PREX1: variants seen among roughly 807,000 people sequenced by gnomAD.
PREX1 encodes phosphatidylinositol-3,4,5-trisphosphate dependent Rac exchange factor 1, also known as phosphatidylinositol 3,4,5-trisphosphate-dependent Rac exchanger 1 protein.
In PREX1, 41 loss-of-function variants were observed where a neutral mutation model predicts 198.3. That is an observed-to-expected ratio of 0.21 (90% CI 0.16 to 0.27). PREX1 has a LOEUF of 0.27. Among genes scored for constraint, PREX1 ranks in the 10% least tolerant of loss-of-function variants. PREX1 has a pLI of 1.00. For missense variants in PREX1, 1,620 were observed against 2,200.7 expected (o/e 0.74, Z 5.28); for synonymous variants, 843 against 887.2 (o/e 0.95, Z 0.89).
chr20:48,790,177 C>T (rs2090331753), intron 1 of PREX1, among the ~76,000 whole-genome samples: 1 of 152,164 alleles, frequency 6.6e-6, no homozygotes, highest in Non-Finnish European at 1.5e-5. Context: ...GGAACACTTC[C>T]ATCAAGGCAG....
rs889293851 is a variant in PREX1, at chr20:48,827,426, G to A, written c.219+216C>T. On this transcript the variant is annotated intron_variant, in intron 1 of 39. Coordinates refer to ENST00000371941, the MANE Select transcript of PREX1 (RefSeq NM_020820.4). The surrounding 1 kb of genome is among the most constrained non-coding windows in gnomAD (Gnocchi z 4.1). ...CGCGCCGCGGGGAAGTGGAGTGCGG[G>A]AGAGCCCCGGTCGGAGCAGGACCGT... Among the ~76,000 whole-genome samples, 1 of 152,174 alleles carries A rather than the reference G, an allele frequency of 6.6e-6. No homozygotes were observed. Among genetic ancestry groups the A allele is most frequent in the East Asian group, 1.9e-4 (1 of 5,180 alleles).
At chr20:48,887,961 TTAAA>T in the PREX1 span, among the ~76,000 whole-genome samples, 422 of 151,692 alleles carry the variant, frequency 2.8e-3, 4 homozygotes, top group African/African-American at 9.5e-3. Flanking sequence ...AAAAAATAAA[TTAAA>T]TAAATAAATA....
chr20:48,809,258 G>C (rs1329504586), intron 1 of PREX1, among the ~76,000 whole-genome samples: 1 of 152,226 alleles, frequency 6.6e-6, no homozygotes, highest in African/African-American at 2.4e-5. Flanking sequence ...CTGCAAGCAG[G>C]CCATGGGCCA....
chr20:48,833,866 G>A, the PREX1 span, among the ~76,000 whole-genome samples: 4 of 152,148 alleles, frequency 2.6e-5, no homozygotes, highest in South Asian at 2.1e-4. Context: ...GGCGGATAGC[G>A]AGGTGAGGAA....
chr20:48,718,870 T>G (rs565632053), intron 5 of PREX1, among the ~76,000 whole-genome samples: 1 of 152,234 alleles, frequency 6.6e-6, no homozygotes, highest in Non-Finnish European at 1.5e-5. Flanking sequence ...AGGAGAAAAC[T>G]GAGGCACACA....
chr20:48,799,183 T>C (rs2090375427), intron 1 of PREX1, among the ~76,000 whole-genome samples: 1 of 152,196 alleles, frequency 6.6e-6, no homozygotes. Context: ...CACCTGGCCC[T>C]GAATAAATAG....
intron 6 of PREX1, among the ~76,000 whole-genome samples, chr20:48,706,247 T>C (rs1238970345): frequency 1.3e-5 from 2 of 152,186 alleles, no homozygotes; most frequent in African/African-American, 2.4e-5. Flanking sequence ...GCTGAGGAGC[T>C]TGCTCAATAC....
At chr20:48,782,622 C>T (rs905511228) in intron 1 of PREX1, among the ~76,000 whole-genome samples, 9 of 152,010 alleles carry the variant, frequency 5.9e-5, no homozygotes, top group African/African-American at 2.2e-4. Context: ...AAATAATGGC[C>T]GGCCAGGGAA....
At chr20:48,755,613 G>C (rs899411550) in intron 1 of PREX1, among the ~76,000 whole-genome samples, 2 of 152,208 alleles carry the variant, frequency 1.3e-5, no homozygotes, top group Non-Finnish European at 2.9e-5. Context: ...ATACCATGAG[G>C]TAGAAGCCAC....
At chr20:48,870,724 G>A in the PREX1 span, among the ~76,000 whole-genome samples, 1 of 151,586 alleles carries the variant, frequency 6.6e-6, no homozygotes, top group Non-Finnish European at 1.5e-5. Flanking sequence ...AAAGCAGGCA[G>A]GTCACTTGAG....
At chr20:48,875,222 C>G in the PREX1 span, among the ~76,000 whole-genome samples, 1 of 152,236 alleles carries the variant, frequency 6.6e-6, no homozygotes, top group East Asian at 1.9e-4. Context: ...AATGAACATT[C>G]CAGCCAAAAC....
At chr20:48,771,257 C>T (rs1380102842) in intron 1 of PREX1, among the ~76,000 whole-genome samples, 1 of 150,924 alleles carries the variant, frequency 6.6e-6, no homozygotes, top group Non-Finnish European at 1.5e-5. Flanking sequence ...CCTATCCGAC[C>T]TTTAGGTTGT....
chr20:48,628,717 A>G (rs2089291484), intron 37 of PREX1, among the ~76,000 whole-genome samples: 1 of 152,246 alleles, frequency 6.6e-6, no homozygotes, highest in Non-Finnish European at 1.5e-5. Flanking sequence ...CTGCACTGGT[A>G]GAGAAAGACG....
At chr20:48,785,628 C>A (rs1264811649) in intron 1 of PREX1, among the ~76,000 whole-genome samples, 1 of 152,208 alleles carries the variant, frequency 6.6e-6, no homozygotes. Flanking sequence ...AGGGACACCC[C>A]CTCTCACCCT....
intron 37 of PREX1, among the ~76,000 whole-genome samples, 153 bp downstream of exon 37, chr20:48,629,296 C>A (rs976801313): frequency 6.6e-6 from 1 of 152,186 alleles, no homozygotes; most frequent in South Asian, 2.1e-4. Context: ...CACAGACAGA[C>A]AAACTGAGGT....
At chr20:48,756,239 C>A (rs2090155518) in intron 1 of PREX1, among the ~76,000 whole-genome samples, 1 of 152,324 alleles carries the variant, frequency 6.6e-6, no homozygotes, top group South Asian at 2.1e-4. Flanking sequence ...TGTCCACCAC[C>A]CAGAGCCCAC....
chr20:48,678,804 C>T (rs908228443), intron 13 of PREX1, among the ~76,000 whole-genome samples: 11 of 152,156 alleles, frequency 7.2e-5, no homozygotes, highest in African/African-American at 2.7e-4. Flanking sequence ...CATTAAACCT[C>T]CTTTTCTTTA....
At chr20:48,745,229 G>C (rs527398036) in intron 2 of PREX1, 82 bp from the exon 3 acceptor site, 8 of 1,443,048 alleles carry the variant, frequency 5.5e-6, no homozygotes, top group Non-Finnish European at 7.5e-6. Context: ...TACAAACCTC[G>C]GTGCGGGTGA....
intron 1 of PREX1, among the ~76,000 whole-genome samples, chr20:48,786,087 G>A (rs781476177): frequency 3.9e-5 from 6 of 152,150 alleles, no homozygotes; most frequent in Non-Finnish European, 5.9e-5. Context: ...CCGAGCATCT[G>A]AGGAGCAGCC....
Sources: allele counts gnomAD v4.1 joint callset (sites outside exome capture counted in the v4.1 genomes callset), GRCh38; gene constraint gnomAD v4.1.1; non-coding constraint Gnocchi (gnomAD v3.1); transcripts MANE v1.5; gene names NCBI Gene and HGNC (gene_info 2026-07-23, HGNC 2026-07-21).